The following MYO18A variants were observed in gnomAD, a reference collection of about 807,000 sequenced individuals.
The protein encoded by MYO18A is myosin XVIIIA.
MYO18A carries 78 observed loss-of-function variants against 235.8 expected under a neutral mutation model. The ratio of observed to expected loss-of-function variants is 0.33; its 90% CI spans 0.28 to 0.40. MYO18A has a LOEUF of 0.40. Among genes scored for constraint, MYO18A ranks in the 10% least tolerant of loss-of-function variants. MYO18A has a pLI of 1.00. For missense variants in MYO18A, 2,215 were observed against 2,699.3 expected (o/e 0.82, Z 3.98); for synonymous variants, 977 against 1,077.8 (o/e 0.91, Z 1.83).
chr17:29,154,986 T>C (rs1165927793), intron 2 of MYO18A, among the ~76,000 whole-genome samples: 1 of 152,166 alleles, frequency 6.6e-6, no homozygotes, highest in East Asian at 1.9e-4. Context: ...AAGGTTCTAC[T>C]GGAATCTCTA....
intron 2 of MYO18A, chr17:29,133,686 C>T (rs2067528354): frequency 2.0e-5 from 15 of 747,856 alleles, no homozygotes; most frequent in Non-Finnish European, 3.0e-5. Flanking sequence ...CACACATGCC[C>T]CAATCCATCT....
intron 2 of MYO18A, among the ~76,000 whole-genome samples, chr17:29,150,587 AG>A (rs1455118709): frequency 6.6e-6 from 1 of 152,256 alleles, no homozygotes. Flanking sequence ...CAAACCTTCA[AG>A]AACACCCAAC....
chr17:29,074,178 A>C lies in MYO18A; in HGVS notation c.*592T>G. The C allele has an allele frequency of 6.2e-7, 1 of 1,608,438 alleles. No homozygotes were observed. Among genetic ancestry groups the C allele is most frequent in the Middle Eastern group, 1.7e-4 (1 of 6,028 alleles). On this transcript the variant is annotated 3_prime_UTR_variant, in exon 42 of 42. Transcript: ENST00000527372. The surrounding 1 kb of genome is among the most constrained non-coding windows in gnomAD (Gnocchi z 4.4). The stretch of plus-strand genomic sequence containing the variant: ...GCACAGAGAAAGGACTGCTCTCTGA[A>C]GGGTGAAGATGGAGATGACATTCCC...
At chr17:29,149,755 C>T (rs1325328430) in intron 2 of MYO18A, among the ~76,000 whole-genome samples, 1 of 152,218 alleles carries the variant, frequency 6.6e-6, no homozygotes, top group Non-Finnish European at 1.5e-5. Context: ...CAAATTGCCT[C>T]TGCTTTGCCA....
At chr17:29,164,582 CT>C (rs2068241043) in intron 2 of MYO18A, among the ~76,000 whole-genome samples, 1 of 152,178 alleles carries the variant, frequency 6.6e-6, no homozygotes, top group Admixed American at 6.5e-5. Context: ...CCATTTCTGA[CT>C]TTGACACATC....
At position 29,117,013 on chromosome 17, in the gene MYO18A, G is replaced by A. The variant is rs1351553768; in HGVS notation, c.2039-558C>T. ...TGCCACTTCTTGGGGTCGCTCGCATGGAGCCTCACGCCTGGGCACCCATTC... is the reference window on the plus strand; with the variant it reads ...TGCCACTTCTTGGGGTCGCTCGCATAGAGCCTCACGCCTGGGCACCCATTC... On this transcript the variant is annotated intron_variant, in intron 10 of 41. Coordinates refer to ENST00000527372, the MANE Select transcript of MYO18A (RefSeq NM_078471.4). This position sits in a 1 kb window ranked among gnomAD's most constrained non-coding sequence, Gnocchi z 4.6. Among the ~76,000 whole-genome samples, 3 of 151,902 alleles carry A rather than the reference G, an allele frequency of 2.0e-5. No homozygotes were observed. The highest frequency in any genetic ancestry group is 6.6e-5 in the Admixed American group (1 of 15,266).
rs2067281277 is a variant in MYO18A, at chr17:29,124,756, C to T, written c.1000-2503G>A. 3.3e-6 allele frequency: 4 copies of T among 1,199,350 alleles called. No individual in the cohort carries two copies. The Admixed American group carries it at 1.1e-4, about 32-fold the overall frequency. 74.3% of individuals were successfully genotyped at this position (1,199,350 alleles called of 1,614,324 possible). A position where few individuals can be genotyped will look rare whatever the true frequency, so the allele number is the denominator to read the frequency against. ...GATAAGCAGACCACTGGCACGCCCC[C>T]TTCAGCAAGTGCTCCTGAGTCAAGT... On this transcript the variant is annotated intron_variant, in intron 2 of 41. Coordinates refer to ENST00000527372, the MANE Select transcript of MYO18A (RefSeq NM_078471.4).
Position 29,099,457 on chromosome 17 carries a change from G to A in MYO18A, c.3636+177C>T, listed in dbSNP as rs55807680. ...CATCAAAGCCCTCCAACCAGGCCCC[G>A]TCGCTGGGCACACCAGCACACTTGC... On this transcript the variant is annotated intron_variant, in intron 22 of 41. Transcript: ENST00000527372. Among the ~76,000 whole-genome samples the A allele has an allele frequency of 9.6e-3, 1,464 of 152,082 alleles. 13 individuals are homozygous for A. Among genetic ancestry groups the A allele is most frequent in the Non-Finnish European group, 0.014 (979 of 67,960 alleles).
chr17:29,114,964 C>A lies in MYO18A; in HGVS notation c.2454G>T (p.Arg818=). The change falls in exon 14 of 42, where the codon CGG becomes CGT. Residue 818 remains arginine (R), a synonymous_variant. Coordinates refer to ENST00000527372, the MANE Select transcript of MYO18A (RefSeq NM_078471.4). ...EELCHNYTQD[R]LQRLFHERTF... is the part of the protein sequence containing the mutation. ...TGCGCTCGTGGAAGAGCCTCTGCAG[C>A]CGGTCTTGGGTGTAGTTGTGGCACA... The A allele has an allele frequency of 6.2e-7, 1 of 1,614,024 alleles. No individual in the cohort carries two copies. Among genetic ancestry groups the A allele is most frequent in the Non-Finnish European group, 8.5e-7 (1 of 1,179,898 alleles).
intron 32 of MYO18A, among the ~76,000 whole-genome samples, 153 bp downstream of exon 32, chr17:29,093,170 G>A (rs1206487407): frequency 3.9e-5 from 6 of 152,146 alleles, no homozygotes; most frequent in Admixed American, 6.5e-5. Flanking sequence ...AATGTATGGT[G>A]ATGCCCCCAT....
Position 29,166,875 on chromosome 17 carries a change from C to T in MYO18A, c.66G>A (p.Lys22=), listed in dbSNP as rs756372844. The T allele has an allele frequency of 1.3e-5, 20 of 1,553,376 alleles. No individual in the cohort carries two copies. Among genetic ancestry groups the T allele is most frequent in the Non-Finnish European group, 1.7e-5 (19 of 1,148,094 alleles). Reference sequence around the variant, plus strand: ...CCGCTGACATCCGCTCCTTTTTCTCCTTTTTCTCCTTCTTCTCCTTCCGCC... The same window carrying T: ...CCGCTGACATCCGCTCCTTTTTCTCTTTTTTCTCCTTCTTCTCCTTCCGCC... The part of the protein sequence containing the change: ...DGGRKEKKEK[K]EKKERMSAAE... The change falls in exon 2 of 42, where the codon AAG becomes AAA. Residue 22 remains lysine (K), a synonymous_variant. Coordinates refer to ENST00000527372, the MANE Select transcript of MYO18A (RefSeq NM_078471.4).
At chr17:29,124,038 A>C (rs2067261286) in intron 2 of MYO18A, among the ~76,000 whole-genome samples, 1 of 131,732 alleles carries the variant, frequency 7.6e-6, no homozygotes, top group African/African-American at 2.9e-5. Flanking sequence ...ACAGAGCGAG[A>C]CTCCATCTCA....
rs750770465 is a variant in MYO18A, at chr17:29,118,995, A to G, written c.1829+340T>C. On this transcript the variant is annotated intron_variant, in intron 8 of 41. Transcript: ENST00000527372. This position sits in a 1 kb window ranked among gnomAD's most constrained non-coding sequence, Gnocchi z 4.2. ...TCATGCGACAGTAGGCAAGTCCCCA[A>G]CCACTGGTACCTCAGTGTGCTTTGC... Among the ~76,000 whole-genome samples the G allele has an allele frequency of 6.6e-6, 1 of 152,122 alleles. No individual in the cohort carries two copies. The highest frequency in any genetic ancestry group is 1.5e-5 in the Non-Finnish European group (1 of 68,016).
intron 2 of MYO18A, among the ~76,000 whole-genome samples, chr17:29,132,540 C>T (rs1399815704): frequency 2.0e-5 from 3 of 152,184 alleles, no homozygotes; most frequent in Non-Finnish European, 4.4e-5. Flanking sequence ...TCCTTGATTC[C>T]TAAGGGAAAA....
chr17:29,121,297 C>T lies in MYO18A; in HGVS notation c.1372-86G>A. ...CCTCACCCCCAAGGTCCACATCTTT[C>T]TGGATTTTCCCTCCTGTAGTGCCCA... On this transcript the variant is annotated intron_variant, in intron 5 of 41. Coordinates refer to ENST00000527372, the MANE Select transcript of MYO18A (RefSeq NM_078471.4). This position sits in a 1 kb window ranked among gnomAD's most constrained non-coding sequence, Gnocchi z 4.2. 1.4e-6 allele frequency: 2 copies of T among 1,437,492 alleles called. No individual in the cohort carries two copies. The highest frequency in any genetic ancestry group is 1.3e-5 in the South Asian group (1 of 77,680). The allele number at this position is 1,437,492 out of a possible 1,614,324, so 89.0% of individuals were successfully genotyped here.
chr17:29,088,530 G>T (rs1479895342), intron 37 of MYO18A, among the ~76,000 whole-genome samples: 1 of 152,142 alleles, frequency 6.6e-6, no homozygotes. Context: ...GCTGATGGAG[G>T]AGGTGACAGG....
intron 2 of MYO18A, among the ~76,000 whole-genome samples, chr17:29,144,769 T>C (rs1020366169): frequency 6.6e-6 from 1 of 152,214 alleles, no homozygotes; most frequent in African/African-American, 2.4e-5. Context: ...CGGTTCTTGG[T>C]TATACTCAAT....
At chr17:29,165,068 C>T (rs1364603045) in intron 2 of MYO18A, among the ~76,000 whole-genome samples, 4 of 152,234 alleles carry the variant, frequency 2.6e-5, no homozygotes, top group Non-Finnish European at 5.9e-5. Flanking sequence ...TGAATTCCAA[C>T]TGTGACTTAC....
chr17:29,131,964 C>T (rs1016900984), intron 2 of MYO18A, among the ~76,000 whole-genome samples: 1 of 152,204 alleles, frequency 6.6e-6, no homozygotes, highest in Non-Finnish European at 1.5e-5. Context: ...CTTCTTGATC[C>T]TGCACAACTC....
Sources: allele counts gnomAD v4.1 joint callset (sites outside exome capture counted in the v4.1 genomes callset), GRCh38; gene constraint gnomAD v4.1.1; non-coding constraint Gnocchi (gnomAD v3.1); transcripts MANE v1.5; gene names NCBI Gene and HGNC (gene_info 2026-07-23, HGNC 2026-07-21).